Variants in NFATC2 observed in about 807,000 individuals in gnomAD.
The protein encoded by NFATC2 is nuclear factor of activated T-cells, cytoplasmic 2.
A neutral mutation model predicts 87.3 loss-of-function variants in NFATC2; 22 were observed. The ratio of observed to expected loss-of-function variants is 0.25; its 90% CI spans 0.18 to 0.36. NFATC2 has a LOEUF of 0.36. Among genes scored for constraint, NFATC2 ranks in the 10% least tolerant of loss-of-function variants. The probability of loss-of-function intolerance (pLI) is 1.00; values close to 1 mark genes in which losing one functional copy is unlikely to be tolerated. For missense variants in NFATC2, 1,149 were observed against 1,259.1 expected (o/e 0.91, Z 1.32); for synonymous variants, 565 against 542.2 (o/e 1.04, Z -0.58).
intron 7 of NFATC2, 143 bp from the exon 8 acceptor site, chr20:51,435,457 G>A: frequency 2.4e-6 from 3 of 1,275,120 alleles, no homozygotes; most frequent in Non-Finnish European, 3.3e-6. Flanking sequence ...CAATTTCAGG[G>A]GAATTTAACT....
chr20:51,540,077 C>T (rs144199223), intron 1 of NFATC2, among the ~76,000 whole-genome samples: 99 of 152,312 alleles, frequency 6.5e-4, no homozygotes, highest in African/African-American at 2.2e-3. Context: ...TGCAATGGTG[C>T]CACCTGCCTC....
chr20:51,475,343 T>C, intron 4 of NFATC2, 115 bp downstream of exon 4: 1 of 939,210 alleles, frequency 1.1e-6, no homozygotes, highest in East Asian at 2.4e-5. Flanking sequence ...GACTGAGAAC[T>C]GCCATCAACA....
intron 9 of NFATC2, among the ~76,000 whole-genome samples, chr20:51,415,297 C>T (rs1979891298): frequency 6.6e-6 from 1 of 151,808 alleles, no homozygotes; most frequent in African/African-American, 2.4e-5. Context: ...AGTCTCCCTT[C>T]TACTCTTGCT....
chr20:51,435,827 C>T, intron 6 of NFATC2, 66 bp from the exon 7 acceptor site: 1 of 1,346,968 alleles, frequency 7.4e-7, no homozygotes, highest in Non-Finnish European at 1.0e-6. Flanking sequence ...AAGACAAAAA[C>T]TCACCAACTT....
chr20:51,395,425 C>T (rs577843255), intron 10 of NFATC2, among the ~76,000 whole-genome samples: 44 of 149,614 alleles, frequency 2.9e-4, no homozygotes, highest in Admixed American at 2.9e-3. Flanking sequence ...ACGGCTATGG[C>T]AGACTCTGCT....
At chr20:51,553,455 C>T (rs2076951145) in intron 1 of NFATC2, among the ~76,000 whole-genome samples, 1 of 152,084 alleles carries the variant, frequency 6.6e-6, no homozygotes, top group Non-Finnish European at 1.5e-5. Flanking sequence ...GTGGGCGGAT[C>T]ACGAGGTCAG....
intron 9 of NFATC2, among the ~76,000 whole-genome samples, chr20:51,406,167 A>G (rs1027477388): frequency 3.9e-5 from 6 of 152,332 alleles, no homozygotes; most frequent in South Asian, 2.1e-4. Context: ...AGTCTCCGAA[A>G]GAGTAACAAA....
At chr20:51,470,455 C>T (rs1381801741) in intron 5 of NFATC2, among the ~76,000 whole-genome samples, 1 of 152,178 alleles carries the variant, frequency 6.6e-6, no homozygotes, top group Non-Finnish European at 1.5e-5. Flanking sequence ...TAGGAAATCA[C>T]TCCACCTTCC....
rs1989192235 is a variant in NFATC2 at position 51,480,830 on chromosome 20, T to A, written c.1333-5170A>T. On this transcript the variant is annotated intron_variant, in intron 3 of 10. Transcript: ENST00000371564. The surrounding 1 kb of genome is among the most constrained non-coding windows in gnomAD (Gnocchi z 4.2). Reference sequence around the variant, plus strand: ...GGTACCCATGAAACGAGAACTTTCCTTGTCATCGGAGGATGACGCAAATCG... The same window carrying A: ...GGTACCCATGAAACGAGAACTTTCCATGTCATCGGAGGATGACGCAAATCG... Among the ~76,000 whole-genome samples the A allele has an allele frequency of 6.6e-6, 1 of 152,202 alleles. No individual in the cohort carries two copies. The highest frequency in any genetic ancestry group is 2.4e-5 in the African/African-American group (1 of 41,428).
chr20:51,408,968 G>A (rs1978789190), intron 9 of NFATC2, among the ~76,000 whole-genome samples: 1 of 152,148 alleles, frequency 6.6e-6, no homozygotes, highest in African/African-American at 2.4e-5. Flanking sequence ...ACTACACCCA[G>A]AAAACTCACA....
chr20:51,457,293 G>A (rs1387692153), intron 5 of NFATC2, among the ~76,000 whole-genome samples: 1 of 152,228 alleles, frequency 6.6e-6, no homozygotes, highest in Non-Finnish European at 1.5e-5. Context: ...GCAGTGGCGA[G>A]AGCATCCCAC....
chr20:51,430,504 G>T (rs1371321529), intron 9 of NFATC2, among the ~76,000 whole-genome samples: 1 of 152,190 alleles, frequency 6.6e-6, no homozygotes, highest in East Asian at 1.9e-4. Context: ...GATTATTCAG[G>T]ATCAAACGGA....
chr20:51,470,037 C>T (rs73271823), intron 5 of NFATC2, among the ~76,000 whole-genome samples: 3,178 of 152,224 alleles, frequency 0.021, 114 homozygotes, highest in African/African-American at 0.072. Context: ...TGGGCTCAGG[C>T]GGGAATGAGG....
In NFATC2 at chr20:51,474,085, T is replaced by C; in HGVS notation, c.1603A>G (p.Ile535Val). ...CTCACCCGCGTGTTCTTTCTTCCAA[T>C]GTCCGTCTCGCCTTTCCGCAGCTCA... is the stretch of plus-strand genomic sequence containing the variant. ...DIELRKGETD[I>V]GRKNTRVRLV... Residue 535 changes from isoleucine (I) to valine (V), a missense_variant, in exon 5 of 11, where the codon ATT (isoleucine) becomes GTT (valine). Physicochemically the swap from Ile to Val is conservative, Grantham distance 29. This residue lies in a region of NFATC2 where 581 missense variants were observed against 649.7 expected (regional missense o/e 0.89). Transcript: ENST00000371564. 1 of 1,614,226 alleles carries C rather than the reference T, an allele frequency of 6.2e-7. No homozygotes were observed. Among genetic ancestry groups the C allele is most frequent in the Non-Finnish European group, 8.5e-7 (1 of 1,180,044 alleles).
At chr20:51,533,806 G>C (rs1373082498) in intron 1 of NFATC2, among the ~76,000 whole-genome samples, 1 of 152,194 alleles carries the variant, frequency 6.6e-6, no homozygotes, top group Admixed American at 6.5e-5. Flanking sequence ...ACGAACCCAC[G>C]CGCTGACACG....
At chr20:51,487,583 G>C (rs908478540) in intron 3 of NFATC2, among the ~76,000 whole-genome samples, 1 of 152,212 alleles carries the variant, frequency 6.6e-6, no homozygotes, top group Non-Finnish European at 1.5e-5. Context: ...TGAGCCATAA[G>C]CTCTGGCCTC....
chr20:51,388,803 G>A lies in NFATC2; in HGVS notation c.*2693C>T, dbSNP rs1986034783. 1 of 152,276 alleles carries A rather than the reference G, an allele frequency of 6.6e-6. No homozygotes were observed. The highest frequency in any genetic ancestry group is 1.5e-5 in the Non-Finnish European group (1 of 68,018). 9.4% of individuals were successfully genotyped at this position (152,276 alleles called of 1,614,324 possible). Reference sequence around the variant, plus strand: ...TTTACATTAACTTAGATGTAGCAGTGCAAACCTTCACTCAACTGAGATCCT... The same window carrying A: ...TTTACATTAACTTAGATGTAGCAGTACAAACCTTCACTCAACTGAGATCCT... On this transcript the variant is annotated 3_prime_UTR_variant, in exon 11 of 11. Transcript: ENST00000371564.
intron 6 of NFATC2, among the ~76,000 whole-genome samples, chr20:51,449,026 A>G (rs1985442394): frequency 6.6e-6 from 1 of 152,060 alleles, no homozygotes; most frequent in African/African-American, 2.4e-5. Flanking sequence ...GAAACTGCCA[A>G]TTCCATTTTA....
At chr20:51,501,867 G>T (rs562874617) in intron 3 of NFATC2, among the ~76,000 whole-genome samples, 3 of 152,280 alleles carry the variant, frequency 2.0e-5, no homozygotes, top group Non-Finnish European at 1.5e-5. Flanking sequence ...GGCTCTGCAG[G>T]CCACACATAC....
Sources: allele counts gnomAD v4.1 joint callset (sites outside exome capture counted in the v4.1 genomes callset), GRCh38; gene constraint gnomAD v4.1.1; regional missense constraint gnomAD v4.1.1; non-coding constraint Gnocchi (gnomAD v3.1); transcripts MANE v1.5; gene names NCBI Gene and HGNC (gene_info 2026-07-23, HGNC 2026-07-21).